The following ENAH variants were observed in gnomAD, a reference collection of about 807,000 sequenced individuals.
ENAH encodes protein enabled homolog.
Under a neutral mutation model 78.7 loss-of-function variants are expected in ENAH, and 23 were observed. The ratio of observed to expected loss-of-function variants is 0.29; its 90% CI spans 0.21 to 0.41. The LOEUF is 0.41. ENAH is among the 10% of genes least tolerant of loss of function. ENAH has a pLI of 1.00. For missense variants in ENAH, 544 were observed against 691.0 expected (o/e 0.79, Z 2.39); for synonymous variants, 226 against 241.0 (o/e 0.94, Z 0.58).
intron 1 of ENAH, among the ~76,000 whole-genome samples, chr1:225,638,029 A>G (rs1264378728): frequency 6.6e-6 from 1 of 152,216 alleles, no homozygotes; most frequent in African/African-American, 2.4e-5. Flanking sequence ...AATAAACAGA[A>G]TATGCCCAAT....
rs535368008 is a variant in ENAH at position 225,488,930 on chromosome 1, G to A, written c.*8845C>T. ...ACAGAGTCTTTTGGATTAAAACCAG[G>A]GAACTCGGAAGGAATGACTACATGG... is the stretch of plus-strand genomic sequence containing the variant. On this transcript the variant is annotated 3_prime_UTR_variant, in exon 14 of 14. Coordinates refer to ENST00000366843, the MANE Select transcript of ENAH (RefSeq NM_018212.6). 6 of 152,200 alleles carry A rather than the reference G, an allele frequency of 3.9e-5. No individual in the cohort carries two copies. Among genetic ancestry groups the A allele is most frequent in the Non-Finnish European group, 7.3e-5 (5 of 68,044 alleles). 9.4% of individuals were successfully genotyped at this position (152,200 alleles called of 1,614,324 possible). A position where few individuals can be genotyped will look rare whatever the true frequency, so the allele number is the denominator to read the frequency against.
chr1:225,604,739 G>A (rs2639717), intron 1 of ENAH, among the ~76,000 whole-genome samples: 3,436 of 152,152 alleles, frequency 0.023, 115 homozygotes, highest in African/African-American at 0.078. Context: ...GTTGCAGTAA[G>A]CCGAGATTGC....
chr1:225,609,317 C>T (rs908909007), intron 1 of ENAH, among the ~76,000 whole-genome samples: 8 of 151,862 alleles, frequency 5.3e-5, no homozygotes, highest in African/African-American at 1.9e-4. Flanking sequence ...TTCATTAAAT[C>T]CAGCTAAAAC....
intron 1 of ENAH, among the ~76,000 whole-genome samples, chr1:225,618,826 CTA>C (rs1048123454): frequency 6.6e-6 from 1 of 152,192 alleles, no homozygotes; most frequent in African/African-American, 2.4e-5. Context: ...GGATTCTACT[CTA>C]TACTAAATTA....
At position 225,628,881 on chromosome 1, in the gene ENAH, G is replaced by A. The variant is rs539536916; in HGVS notation, c.5+23805C>T. ...AGATCGCGTCATTGCACTCCAACCT[G>A]GGCAACAAGAGCGAAACTCCGTCTC... On this transcript the variant is annotated intron_variant, in intron 1 of 13. Transcript: ENST00000366843. Among the ~76,000 whole-genome samples the A allele has an allele frequency of 2.7e-5, 4 of 150,388 alleles. No homozygotes were observed. The South Asian group carries it at 8.5e-4, about 32-fold the overall frequency.
chr1:225,521,007 G>A (rs1364525760), intron 4 of ENAH, among the ~76,000 whole-genome samples: 1 of 148,186 alleles, frequency 6.7e-6, no homozygotes, highest in Admixed American at 6.7e-5. Context: ...GGATATCTGG[G>A]ATGAGAACCT....
intron 1 of ENAH, among the ~76,000 whole-genome samples, chr1:225,629,429 T>A (rs6696683): frequency 0.077 from 11,727 of 151,554 alleles, 1,514 homozygotes; most frequent in African/African-American, 0.27. Flanking sequence ...CTACTAAAAA[T>A]GCAAAAATCA....
chr1:225,633,039 C>CCT (rs1659387509), intron 1 of ENAH, among the ~76,000 whole-genome samples: 2 of 141,834 alleles, frequency 1.4e-5, no homozygotes, highest in South Asian at 4.5e-4. Flanking sequence ...CACTCAAAGT[C>CCT]TTTTTTTTTT....
chr1:225,622,693 A>C (rs542078024), intron 1 of ENAH, among the ~76,000 whole-genome samples: 1 of 152,024 alleles, frequency 6.6e-6, no homozygotes, highest in Non-Finnish European at 1.5e-5. Context: ...TGACCTAACC[A>C]CCTCTCAAAG....
chr1:225,581,606 A>G (rs1013866450), intron 1 of ENAH, among the ~76,000 whole-genome samples: 1 of 152,210 alleles, frequency 6.6e-6, no homozygotes, highest in African/African-American at 2.4e-5. Flanking sequence ...TCAAAATGTA[A>G]GCAGGGAGGG....
chr1:225,534,230 T>A (rs1464644715), intron 3 of ENAH, among the ~76,000 whole-genome samples: 1 of 151,852 alleles, frequency 6.6e-6, no homozygotes, highest in East Asian at 1.9e-4. Context: ...GGCAGAAAAA[T>A]GAGGAGAAAA....
intron 1 of ENAH, among the ~76,000 whole-genome samples, chr1:225,577,096 G>C (rs2096792119): frequency 6.6e-6 from 1 of 152,114 alleles, no homozygotes; most frequent in South Asian, 2.1e-4. Flanking sequence ...CAACCTGGGT[G>C]ACAGAGTTAA....
intron 1 of ENAH, among the ~76,000 whole-genome samples, chr1:225,590,272 C>G (rs910768998): frequency 6.6e-6 from 1 of 151,914 alleles, no homozygotes; most frequent in Non-Finnish European, 1.5e-5. Flanking sequence ...GCCAGGAGTT[C>G]GACACCTGCT....
chr1:225,652,950 G>T lies in ENAH; in HGVS notation c.-260C>A. On this transcript the variant is annotated 5_prime_UTR_variant, in exon 1 of 14. Coordinates refer to ENST00000366843, the MANE Select transcript of ENAH (RefSeq NM_018212.6). ...GCGCGGAGCTGGTCCCCAGGCGGCC[G>T]CCGCCTCCCACCTCCTCGTGGTCCT... 2.7e-6 allele frequency: 1 copy of T among 373,254 alleles called. No homozygotes were observed. The highest frequency in any genetic ancestry group is 4.8e-6 in the Non-Finnish European group (1 of 210,356). The allele number at this position is 373,254 out of a possible 1,614,324, so 23.1% of individuals were successfully genotyped here. A position where few individuals can be genotyped will look rare whatever the true frequency, so the allele number is the denominator to read the frequency against.
At chr1:225,647,633 T>TTTGC (rs1212990787) in intron 1 of ENAH, among the ~76,000 whole-genome samples, 2 of 152,210 alleles carry the variant, frequency 1.3e-5, no homozygotes, top group East Asian at 1.9e-4. Context: ...GATGTGAGTT[T>TTTGC]TTGCTTGCTT....
chr1:225,562,070 G>A (rs192794070), intron 2 of ENAH, among the ~76,000 whole-genome samples: 6 of 152,070 alleles, frequency 3.9e-5, no homozygotes, highest in East Asian at 2.0e-4. Context: ...TTACAGGCGC[G>A]CGCCACTACG....
chr1:225,571,642 C>T (rs773306183), intron 1 of ENAH, among the ~76,000 whole-genome samples: 19 of 152,248 alleles, frequency 1.2e-4, no homozygotes, highest in Non-Finnish European at 2.2e-4. Context: ...GGAACTCAGG[C>T]CCACACTTCC....
At position 225,490,182 on chromosome 1, in the gene ENAH, G is replaced by A. The variant is rs1456437872; in HGVS notation, c.*7593C>T. The A allele has an allele frequency of 6.6e-6, 1 of 152,214 alleles. No individual in the cohort carries two copies. Among genetic ancestry groups the A allele is most frequent in the East Asian group, 1.9e-4 (1 of 5,198 alleles). 9.4% of individuals were successfully genotyped at this position (152,214 alleles called of 1,614,324 possible). ...AAAAAAGGACAGACTGAGAGAGACTGAGGGCGGGAGGAACACAGAGAAAGG... is the reference window on the plus strand; with the variant it reads ...AAAAAAGGACAGACTGAGAGAGACTAAGGGCGGGAGGAACACAGAGAAAGG... On this transcript the variant is annotated 3_prime_UTR_variant, in exon 14 of 14. Coordinates refer to ENST00000366843, the MANE Select transcript of ENAH (RefSeq NM_018212.6).
At chr1:225,551,473 A>G (rs1171811155) in intron 3 of ENAH, among the ~76,000 whole-genome samples, 1 of 152,120 alleles carries the variant, frequency 6.6e-6, no homozygotes, top group Non-Finnish European at 1.5e-5. Flanking sequence ...AAATTATGTG[A>G]TTATTGGTTT....
Sources: allele counts gnomAD v4.1 joint callset (sites outside exome capture counted in the v4.1 genomes callset), GRCh38; gene constraint gnomAD v4.1.1; transcripts MANE v1.5; gene names NCBI Gene and HGNC (gene_info 2026-07-23, HGNC 2026-07-21).